CDK17: variants seen among roughly 807,000 people sequenced by gnomAD.
The protein encoded by CDK17 is cyclin dependent kinase 17, also known as cyclin-dependent kinase 17.
A neutral mutation model predicts 77.6 loss-of-function variants in CDK17; 24 were observed. That is an observed-to-expected ratio of 0.31 (90% confidence interval 0.22 to 0.44). The LOEUF is 0.44. Among genes scored for constraint, CDK17 ranks in the 20% least tolerant of loss-of-function variants. The pLI is 1.00. For missense variants in CDK17, 429 were observed against 622.5 expected, an observed-to-expected ratio of 0.69 and a Z score of 3.31; for synonymous variants, 203 against 210.4, an observed-to-expected ratio of 0.96 and a Z score of 0.30.
chr12:96,375,806 A>C (rs949936855), intron 1 of CDK17, among the ~76,000 whole-genome samples: 33 of 152,028 alleles, frequency 2.2e-4, no homozygotes, highest in African/African-American at 7.7e-4. Context: ...TTGGCCTCCC[A>C]AACTGCTGGT....
intron 1 of CDK17, among the ~76,000 whole-genome samples, chr12:96,373,864 G>T (rs1363438810): frequency 1.3e-5 from 2 of 152,070 alleles, no homozygotes; most frequent in Non-Finnish European, 2.9e-5. Flanking sequence ...AGGTGGCAGT[G>T]AGCCAAGATC....
intron 2 of CDK17, among the ~76,000 whole-genome samples, chr12:96,330,327 T>G (rs1952949643): frequency 6.6e-6 from 1 of 152,054 alleles, no homozygotes; most frequent in East Asian, 1.9e-4. Context: ...ACATTGAGTG[T>G]TTATGAGGGA....
Position 96,293,675 on chromosome 12 carries a change from T to A in CDK17, c.997+1324A>T, listed in dbSNP as rs1046372323. Among the ~76,000 whole-genome samples, 3 of 152,220 alleles carry A rather than the reference T, an allele frequency of 2.0e-5. No individual in the cohort carries two copies. In the East Asian group the frequency reaches 5.8e-4, roughly 29 times the overall value. ...CACTAAAATTCATTGACCTTGTACT[T>A]TAAATGGGTCTTTTATCCATGCATG... On this transcript the variant is annotated intron_variant, in intron 10 of 16. Coordinates refer to ENST00000261211, the MANE Select transcript of CDK17 (RefSeq NM_002595.5).
chr12:96,302,216 T>G (rs9971815), intron 5 of CDK17, among the ~76,000 whole-genome samples: 59,484 of 151,892 alleles, frequency 0.39, 12,061 homozygotes, highest in East Asian at 0.58. Flanking sequence ...AGATAACATT[T>G]TTAAAATACA....
At chr12:96,332,877 T>G (rs934239116) in intron 2 of CDK17, among the ~76,000 whole-genome samples, 5 of 152,224 alleles carry the variant, frequency 3.3e-5, no homozygotes, top group African/African-American at 1.2e-4. Context: ...AAACAAAGCA[T>G]GTTTTATGAT....
chr12:96,391,500 A>G (rs1000216718), intron 1 of CDK17, among the ~76,000 whole-genome samples: 2 of 151,964 alleles, frequency 1.3e-5, no homozygotes, highest in Admixed American at 6.6e-5. Flanking sequence ...CATGTTGCCC[A>G]GGCTGGTCTC....
intron 1 of CDK17, among the ~76,000 whole-genome samples, chr12:96,347,932 A>G (rs1275099955): frequency 6.6e-6 from 1 of 152,196 alleles, no homozygotes; most frequent in Non-Finnish European, 1.5e-5. Flanking sequence ...AAATTAAGCA[A>G]CATATTCTCA....
rs200350039 is a variant in CDK17 at position 96,289,205 on chromosome 12, A to C, written c.1080T>G (p.Leu360=). 8.1e-6 allele frequency: 13 copies of C among 1,614,014 alleles called. No homozygotes were observed. The highest frequency in any genetic ancestry group is 1.6e-4 in the Middle Eastern group (1 of 6,062). The change falls in exon 11 of 17, where the codon CTT becomes CTG. Residue 360 remains leucine (L), a synonymous_variant. Transcript: ENST00000261211. ...VTLWYRPPDV[L]LGSSEYSTQI... ...GTGTTGAGTACTCCGAGGAACCAAGAAGCACATCAGGTGGCCGGTACCATA... is the reference window on the plus strand; with the variant it reads ...GTGTTGAGTACTCCGAGGAACCAAGCAGCACATCAGGTGGCCGGTACCATA...
At chr12:96,387,656 G>A (rs1246195839) in intron 1 of CDK17, among the ~76,000 whole-genome samples, 2 of 152,156 alleles carry the variant, frequency 1.3e-5, no homozygotes, top group South Asian at 2.1e-4. Flanking sequence ...TCAGAAAAAC[G>A]TGAGGCAGGG....
chr12:96,366,252 T>C (rs975314954), intron 1 of CDK17, among the ~76,000 whole-genome samples: 8 of 152,222 alleles, frequency 5.3e-5, no homozygotes, highest in African/African-American at 1.9e-4. Flanking sequence ...GTGTTAGACA[T>C]TCCACCAGAG....
At position 96,311,153 on chromosome 12, in the gene CDK17, G is replaced by T; in HGVS notation, c.442C>A (p.Pro148Thr). The T allele has an allele frequency of 6.4e-7, 1 of 1,566,940 alleles. No homozygotes were observed. Among genetic ancestry groups the T allele is most frequent in the South Asian group, 1.2e-5 (1 of 82,238 alleles). ...CCATCAGGTATTCTGATGTCTGCAG[G>T]CAGTGATAACCGCTTATTTAAATCC... ...MEDLNKRLSL[P>T]ADIRIPDGYL... is the part of the protein sequence containing the mutation. The change falls in exon 5 of 17, where the codon CCT becomes ACT. Residue 148 changes from proline (P) to threonine (T), a missense_variant. This residue lies in a region of CDK17 where 262 missense variants were observed against 385.4 expected (regional missense o/e 0.68). Coordinates refer to ENST00000261211, the MANE Select transcript of CDK17 (RefSeq NM_002595.5).
chr12:96,351,674 T>G (rs182015175), intron 1 of CDK17, among the ~76,000 whole-genome samples: 1 of 152,246 alleles, frequency 6.6e-6, no homozygotes, highest in African/African-American at 2.4e-5. Context: ...AAATTTTGTT[T>G]TGTATATTTT....
chr12:96,338,739 G>A (rs1057115422), intron 1 of CDK17, among the ~76,000 whole-genome samples: 3 of 149,708 alleles, frequency 2.0e-5, no homozygotes, highest in African/African-American at 4.9e-5. Flanking sequence ...TTTGGTGAGC[G>A]ATAATAAATG....
chr12:96,344,800 TTTTC>T (rs1295963896), intron 1 of CDK17, among the ~76,000 whole-genome samples: 1 of 152,164 alleles, frequency 6.6e-6, no homozygotes, highest in African/African-American at 2.4e-5. Flanking sequence ...AACTTTTTGC[TTTTC>T]TTGTTTTTTT....
intron 3 of CDK17, among the ~76,000 whole-genome samples, chr12:96,316,367 C>T (rs1393779411): frequency 4.6e-5 from 7 of 150,668 alleles, no homozygotes; most frequent in East Asian, 2.0e-4. Flanking sequence ...AAGGCGGCAG[C>T]GAGGCTGGGG....
chr12:96,344,087 T>C (rs141990800), intron 1 of CDK17, among the ~76,000 whole-genome samples: 34 of 152,204 alleles, frequency 2.2e-4, no homozygotes, highest in African/African-American at 7.7e-4. Flanking sequence ...TTCAACAGAT[T>C]TGAACAGGCA....
chr12:96,279,952 T>A lies in CDK17; in HGVS notation c.*290A>T. 3.2e-6 allele frequency: 1 copy of A among 308,894 alleles called. No individual in the cohort carries two copies. Among genetic ancestry groups the A allele is most frequent in the Non-Finnish European group, 5.9e-6 (1 of 169,548 alleles). 19.1% of individuals were successfully genotyped at this position (308,894 alleles called of 1,614,324 possible). On this transcript the variant is annotated 3_prime_UTR_variant, in exon 17 of 17. Coordinates refer to ENST00000261211, the MANE Select transcript of CDK17 (RefSeq NM_002595.5). Reference sequence around the variant, plus strand: ...AATGATTCCGCAATAAATAATGCACTGTGTTTCTCAGTCCTGCACAAAAAT... The same window carrying A: ...AATGATTCCGCAATAAATAATGCACAGTGTTTCTCAGTCCTGCACAAAAAT...
rs1464299933 is a variant in CDK17, at chr12:96,388,178, T to C, written c.-30+11808A>G. On this transcript the variant is annotated intron_variant, in intron 1 of 16. Transcript: ENST00000261211. ...ATAAACAAGGAAAGCAAATACTGTC[T>C]AGACTATTAAGATGTCAAGTAAATG... is the stretch of plus-strand genomic sequence containing the variant. Among the ~76,000 whole-genome samples the C allele has an allele frequency of 2.6e-5, 4 of 152,074 alleles. No homozygotes were observed. In the East Asian group the frequency reaches 7.7e-4, roughly 29 times the overall value.
chr12:96,395,716 G>T (rs1255908500), intron 1 of CDK17, among the ~76,000 whole-genome samples: 6 of 152,164 alleles, frequency 3.9e-5, no homozygotes, highest in Non-Finnish European at 4.4e-5. Context: ...AAGTAATTAG[G>T]TTTAGATTAG....
Sources: allele counts gnomAD v4.1 joint callset (sites outside exome capture counted in the v4.1 genomes callset), GRCh38; gene constraint gnomAD v4.1.1; regional missense constraint gnomAD v4.1.1; transcripts MANE v1.5; gene names NCBI Gene and HGNC (gene_info 2026-07-23, HGNC 2026-07-21).